The following LPAR3 variants were observed in gnomAD, a reference collection of about 807,000 sequenced individuals.
The protein encoded by LPAR3 is LPA receptor 3.
In LPAR3, 7 loss-of-function variants were observed where a neutral mutation model predicts 17.8. The observed-to-expected ratio is 0.39, with a 90% CI of 0.22 to 0.74. LPAR3 has a LOEUF of 0.74. LPAR3 is among the 30% of genes least tolerant of loss of function. The pLI, the probability that LPAR3 is intolerant of heterozygous loss-of-function variation, is 0.40. For synonymous variants in LPAR3, 179 were observed against 179.9 expected (o/e 0.99, Z 0.04); for missense variants, 391 against 453.4 (o/e 0.86, Z 1.25).
At chr1:84,823,232 G>C (rs911536913) in intron 2 of LPAR3, among the ~76,000 whole-genome samples, 1 of 152,138 alleles carries the variant, frequency 6.6e-6, no homozygotes, top group African/African-American at 2.4e-5. Context: ...GAATATTTAA[G>C]TGAAAATGCT....
intron 1 of LPAR3, among the ~76,000 whole-genome samples, chr1:84,879,295 CTTTCT>C (rs541196773): frequency 0.012 from 1,451 of 123,860 alleles, 15 homozygotes; most frequent in South Asian, 0.021. Context: ...TTTTCCTTTT[CTTTCT>C]TTTCTTTTCT....
intron 2 of LPAR3, among the ~76,000 whole-genome samples, chr1:84,826,154 T>A (rs1157517653): frequency 6.6e-6 from 1 of 150,614 alleles, no homozygotes; most frequent in African/African-American, 2.5e-5. Flanking sequence ...TAGCAACATA[T>A]AATATATACA....
chr1:84,851,774 G>A (rs1659719257), intron 2 of LPAR3, among the ~76,000 whole-genome samples: 1 of 152,210 alleles, frequency 6.6e-6, no homozygotes, highest in Non-Finnish European at 1.5e-5. Context: ...TGTGAGGGGA[G>A]TGCATAGAAA....
intron 2 of LPAR3, among the ~76,000 whole-genome samples, chr1:84,821,717 A>C (rs758691239): frequency 1.3e-5 from 2 of 152,206 alleles, no homozygotes; most frequent in Non-Finnish European, 2.9e-5. Flanking sequence ...TCCAGGTGAA[A>C]CTATCAGGAT....
rs975709137 is a variant in LPAR3 at position 84,887,614 on chromosome 1, C to A, written c.-19+5402G>T. On this transcript the variant is annotated intron_variant, in intron 1 of 2. Transcript: ENST00000370611. ...TTAAGGTGAAGAAATCTGGCAAACA[C>A]CAACATAACCAGGTGATTGAGGTCA... is the stretch of plus-strand genomic sequence containing the variant. Among the ~76,000 whole-genome samples, 13 of 152,234 alleles carry A rather than the reference C, an allele frequency of 8.5e-5. No homozygotes were observed. In the South Asian group the frequency reaches 2.7e-3, roughly 32 times the overall value.
chr1:84,830,434 C>T (rs949831441), intron 2 of LPAR3, among the ~76,000 whole-genome samples: 4 of 152,160 alleles, frequency 2.6e-5, no homozygotes, highest in African/African-American at 9.7e-5. Context: ...ACCTCCTCCT[C>T]ATTCTTTGAA....
At chr1:84,878,812 C>T (rs758087493) in intron 1 of LPAR3, among the ~76,000 whole-genome samples, 10 of 152,138 alleles carry the variant, frequency 6.6e-5, no homozygotes, top group Non-Finnish European at 1.3e-4. Flanking sequence ...AAGCCTCCGT[C>T]CAAACTACAC....
chr1:84,814,857 T>A (rs547016715), intron 2 of LPAR3, among the ~76,000 whole-genome samples: 31 of 152,332 alleles, frequency 2.0e-4, no homozygotes, highest in Non-Finnish European at 3.8e-4. Flanking sequence ...GATGAGATAG[T>A]TAAAAATCTA....
intron 2 of LPAR3, among the ~76,000 whole-genome samples, chr1:84,818,507 G>A (rs541240004): frequency 6.6e-6 from 1 of 152,268 alleles, no homozygotes; most frequent in South Asian, 2.1e-4. Flanking sequence ...TTTTGAGTGT[G>A]TGTGCGATGC....
chr1:84,834,599 C>T (rs1313941931), intron 2 of LPAR3, among the ~76,000 whole-genome samples: 1 of 152,168 alleles, frequency 6.6e-6, no homozygotes, highest in Non-Finnish European at 1.5e-5. Flanking sequence ...GACTGCTTTC[C>T]TTTTCTTTGT....
At chr1:84,824,233 G>A (rs1015021573) in intron 2 of LPAR3, among the ~76,000 whole-genome samples, 72 of 152,088 alleles carry the variant, frequency 4.7e-4, no homozygotes, top group African/African-American at 1.6e-3. Flanking sequence ...TGAAGTGGCA[G>A]GCACTGGGGT....
At chr1:84,871,462 G>A (rs922202335) in intron 1 of LPAR3, among the ~76,000 whole-genome samples, 4 of 152,128 alleles carry the variant, frequency 2.6e-5, no homozygotes, top group Non-Finnish European at 4.4e-5. Flanking sequence ...TTTTTAGCTG[G>A]CTTTCAATAA....
chr1:84,885,013 G>A lies in LPAR3; in HGVS notation c.-19+8003C>T, dbSNP rs957854541. Among the ~76,000 whole-genome samples, 3 of 152,186 alleles carry A rather than the reference G, an allele frequency of 2.0e-5. No homozygotes were observed. In the South Asian group the frequency reaches 6.2e-4, roughly 32 times the overall value. ...AGTGCATGAAGACATGTGTAAAGAT[G>A]CAAAATTCCCCCAGGAAACTCATTA... is the stretch of plus-strand genomic sequence containing the variant. On this transcript the variant is annotated intron_variant, in intron 1 of 2. Coordinates refer to ENST00000370611, the MANE Select transcript of LPAR3 (RefSeq NM_012152.3).
In LPAR3 at chr1:84,882,639, G is replaced by C. The variant is rs139685107; in HGVS notation, c.-19+10377C>G. On this transcript the variant is annotated intron_variant, in intron 1 of 2. Transcript: ENST00000370611. ...GTACTGGCATAAAGTCCAACATATA[G>C]ACCAGTGGAAAAGACTAGAGAGCCC... Among the ~76,000 whole-genome samples, 11 of 152,228 alleles carry C rather than the reference G, an allele frequency of 7.2e-5. No individual in the cohort carries two copies. The East Asian group carries it at 2.1e-3, about 29-fold the overall frequency.
At chr1:84,888,533 A>G (rs539564060) in intron 1 of LPAR3, among the ~76,000 whole-genome samples, 14 of 152,276 alleles carry the variant, frequency 9.2e-5, no homozygotes, top group Non-Finnish European at 1.8e-4. Flanking sequence ...TCCGCTGCCT[A>G]TCTTTGAATT....
In LPAR3 at chr1:84,812,984, T is replaced by G. The variant is rs1459714150; in HGVS notation, c.*862A>C. 1 of 151,600 alleles carries G rather than the reference T, an allele frequency of 6.6e-6. No homozygotes were observed. Among genetic ancestry groups the G allele is most frequent in the Non-Finnish European group, 1.5e-5 (1 of 67,932 alleles). The allele number at this position is 151,600 out of a possible 1,614,324, so 9.4% of individuals were successfully genotyped here. A position where few individuals can be genotyped will look rare whatever the true frequency, so the allele number is the denominator to read the frequency against. On this transcript the variant is annotated 3_prime_UTR_variant, in exon 3 of 3. Coordinates refer to ENST00000370611, the MANE Select transcript of LPAR3 (RefSeq NM_012152.3). The stretch of plus-strand genomic sequence containing the variant: ...AGGGAAAATGAGAACTAATGTGGAC[T>G]GGCGGGAGGCAGTCTGGGGCGGTAA...
chr1:84,876,295 C>T (rs1320561860), intron 1 of LPAR3, among the ~76,000 whole-genome samples: 2 of 152,174 alleles, frequency 1.3e-5, no homozygotes, highest in East Asian at 1.9e-4. Flanking sequence ...TGCCTAATCT[C>T]ATCACATGCA....
chr1:84,892,261 A>AT (rs1553150718), intron 1 of LPAR3, among the ~76,000 whole-genome samples: 4,354 of 107,778 alleles, frequency 0.04, 77 homozygotes, highest in East Asian at 0.048. Flanking sequence ...AAATAAATAA[A>AT]AACTAACCTA....
chr1:84,888,697 G>C (rs1660501940), intron 1 of LPAR3, among the ~76,000 whole-genome samples: 1 of 152,176 alleles, frequency 6.6e-6, no homozygotes, highest in South Asian at 2.1e-4. Context: ...TGTTTGCTTG[G>C]AAGGCCTTTG....
Sources: allele counts gnomAD v4.1 joint callset (sites outside exome capture counted in the v4.1 genomes callset), GRCh38; gene constraint gnomAD v4.1.1; transcripts MANE v1.5; gene names NCBI Gene and HGNC (gene_info 2026-07-23, HGNC 2026-07-21).